Variants in UBTF observed in about 807,000 individuals in gnomAD.
The protein encoded by UBTF is upstream binding transcription factor.
Under a neutral mutation model 112.3 loss-of-function variants are expected in UBTF, and 8 were observed. The ratio of observed to expected loss-of-function variants is 0.07; its 90% CI spans 0.04 to 0.13. UBTF has a LOEUF of 0.13. UBTF is among the 10% of genes least tolerant of loss of function. The pLI, the probability that UBTF is intolerant of heterozygous loss-of-function variation, is 1.00. For missense variants in UBTF, 457 were observed against 982.1 expected, an observed-to-expected ratio of 0.47 and a Z score of 7.15; for synonymous variants, 417 against 373.1, an observed-to-expected ratio of 1.12 and a Z score of -1.36.
rs773413227 is a variant in UBTF, at chr17:44,215,732, T to C, written c.396A>G (p.Lys132=). 9 of 1,613,876 alleles carry C rather than the reference T, an allele frequency of 5.6e-6. No individual in the cohort carries two copies. The highest frequency in any genetic ancestry group is 7.6e-6 in the Non-Finnish European group (9 of 1,179,994). The change falls in exon 5 of 21, where the codon AAA becomes AAG. Residue 132 remains lysine (K), a synonymous_variant. Coordinates refer to ENST00000436088, the MANE Select transcript of UBTF (RefSeq NM_014233.4). ...CCAGGTTGCTCATCTCAGGGTGGAG[T>C]TTCGCATACTTGGCCCGCTTCTCCA... ...FFMEKRAKYA[K]LHPEMSNLDL... is the part of the protein sequence containing the mutation.
rs199677529 is a variant in UBTF, at chr17:44,213,176, C to G, written c.539+42G>C. The G allele has an allele frequency of 4.4e-5, 71 of 1,603,082 alleles. No homozygotes were observed. The East Asian group carries it at 1.3e-3, about 29-fold the overall frequency. On this transcript the variant is annotated intron_variant, in intron 6 of 20. Transcript: ENST00000436088. ...GGCCAGGGTTAGCCTATTCTGCTGCCCCCAGTGCCCCGTGGCCCTCCTCTG... is the reference window on the plus strand; with the variant it reads ...GGCCAGGGTTAGCCTATTCTGCTGCGCCCAGTGCCCCGTGGCCCTCCTCTG...
Position 44,205,787 on chromosome 17 carries a change from T to C in UBTF, c.*1455A>G, listed in dbSNP as rs1051338236. 1 of 152,188 alleles carries C rather than the reference T, an allele frequency of 6.6e-6. No homozygotes were observed. The highest frequency in any genetic ancestry group is 1.5e-5 in the Non-Finnish European group (1 of 68,032). The allele number at this position is 152,188 out of a possible 1,614,324, so 9.4% of individuals were successfully genotyped here. On this transcript the variant is annotated 3_prime_UTR_variant, in exon 21 of 21. Coordinates refer to ENST00000436088, the MANE Select transcript of UBTF (RefSeq NM_014233.4). Reference sequence around the variant, plus strand: ...TGACCATAAAAAAGAACCCCCCAAATTTAGTCAACAAAAAAATAAGAACTA... The same window carrying C: ...TGACCATAAAAAAGAACCCCCCAAACTTAGTCAACAAAAAAATAAGAACTA...
At chr17:44,220,086 G>A (rs1335225970), upstream of UBTF, among the ~76,000 whole-genome samples, 105 of 43,370 alleles carry the variant, frequency 2.4e-3, 1 homozygote, top group African/African-American at 0.074. Flanking sequence ...CGCCGGGGAA[G>A]GGGGGGGGGG....
Position 44,212,443 on chromosome 17 carries a change from C to T in UBTF, c.672G>A (p.Lys224=). 6.5e-7 allele frequency: 1 copy of T among 1,543,584 alleles called. No homozygotes were observed. Among genetic ancestry groups the T allele is most frequent in the Non-Finnish European group, 8.8e-7 (1 of 1,136,060 alleles). The part of the protein sequence containing the change: ...YLKVRPDATT[K]EVKDSLGKQW... ...GCTTCCCCAGGGAGTCCTTCACCTC[C>T]TTCGTAGTGGCCTGCAAACCAAAAG... is the stretch of plus-strand genomic sequence containing the variant. Residue 224 remains lysine (K), a synonymous_variant, in exon 8 of 21, where the codon AAG becomes AAA. Coordinates refer to ENST00000436088, the MANE Select transcript of UBTF (RefSeq NM_014233.4).
chr17:44,207,842 G>GCTGCT (rs1278571067), intron 18 of UBTF, 22 bp downstream of exon 18: 1 of 1,613,842 alleles, frequency 6.2e-7, no homozygotes, highest in African/African-American at 1.3e-5. Flanking sequence ...CTACCCCACT[G>GCTGCT]CTGCTCTGCT....
intron 2 of UBTF, among the ~76,000 whole-genome samples, chr17:44,217,917 C>T (rs1165084391): frequency 6.6e-6 from 1 of 152,172 alleles, no homozygotes; most frequent in African/African-American, 2.4e-5. Context: ...TGAATGGGAA[C>T]CCCAGAAGGC....
At position 44,219,578 on chromosome 17, in the gene UBTF, A is replaced by AGGCGGCGGCGCTGG. The variant is rs1327458574; in HGVS notation, c.-215_-202dup. On this transcript the variant is annotated 5_prime_UTR_variant, in exon 1 of 21. Transcript: ENST00000436088. Reference sequence around the variant, plus strand: ...GCGGCAGCGGCTCCTCCTCCGGGCGAGGCGGCGGCGCTGGGGCGGCGGCTG... The same window carrying AGGCGGCGGCGCTGG: ...GCGGCAGCGGCTCCTCCTCCGGGCGAGGCGGCGGCGCTGGGGCGGCGGCGCTGGGGCGGCGGCTG... 2 of 160,612 alleles carry AGGCGGCGGCGCTGG rather than the reference A, an allele frequency of 1.2e-5. No individual in the cohort carries two copies. Among genetic ancestry groups the AGGCGGCGGCGCTGG allele is most frequent in the Non-Finnish European group, 2.6e-5 (2 of 77,034 alleles). The allele number at this position is 160,612 out of a possible 1,614,324, so 9.9% of individuals were successfully genotyped here.
Position 44,207,373 on chromosome 17 carries a change from G to A in UBTF, c.2170-6C>T, listed in dbSNP as rs370335755. The stretch of plus-strand genomic sequence containing the variant: ...TCCTCGTCATCCTCTTCATTCTGGG[G>A]GGTGAGAAAGGATGTGGAGTCACCA... On this transcript the variant is annotated splice_region_variant and splice_polypyrimidine_tract_variant and intron_variant, in intron 20 of 20. Transcript: ENST00000436088. The A allele has an allele frequency of 6.2e-6, 10 of 1,612,234 alleles. No individual in the cohort carries two copies. The highest frequency in any genetic ancestry group is 8.5e-6 in the Non-Finnish European group (10 of 1,179,234).
upstream of UBTF, chr17:44,219,754 C>CGCA (rs1332298858): frequency 6.5e-6 from 1 of 153,660 alleles, no homozygotes; most frequent in Non-Finnish European, 1.4e-5. Flanking sequence ...CCGCCGCCGC[C>CGCA]GCAGCCTCAG....
chr17:44,220,570 C>T (rs2047138736), upstream of UBTF, among the ~76,000 whole-genome samples: 1 of 152,172 alleles, frequency 6.6e-6, no homozygotes, highest in African/African-American at 2.4e-5. Flanking sequence ...CTCTTTACAC[C>T]CCGGAAACGG....
chr17:44,216,017 G>A (rs1348852520), intron 3 of UBTF, 28 bp from the exon 4 acceptor site: 4 of 1,591,448 alleles, frequency 2.5e-6, no homozygotes, highest in East Asian at 2.2e-5. Context: ...GGAGGAAGGG[G>A]AAGTTGGGAA....
chr17:44,209,210 G>T, intron 17 of UBTF, 142 bp downstream of exon 17: 4 of 824,088 alleles, frequency 4.9e-6, no homozygotes, highest in Middle Eastern at 3.8e-4. Context: ...GATAGTGACC[G>T]TTATCCTGAA....
chr17:44,210,076 G>C, intron 15 of UBTF, 48 bp downstream of exon 15: 1 of 1,597,404 alleles, frequency 6.3e-7, no homozygotes, highest in East Asian at 2.2e-5. Flanking sequence ...AACCAAAGGG[G>C]AGTTCCCGAG....
At position 44,210,166 on chromosome 17, in the gene UBTF, C is replaced by T; in HGVS notation, c.1584G>A (p.Leu528=). 1 of 1,614,248 alleles carries T rather than the reference C, an allele frequency of 6.2e-7. No individual in the cohort carries two copies. Among genetic ancestry groups the T allele is most frequent in the Non-Finnish European group, 8.5e-7 (1 of 1,180,048 alleles). The part of the protein sequence containing the change: ...TWNNMEKKEK[L]MWIKKAAEDQ... ...CTTCGGCTGCCTTCTTAATCCACAT[C>T]AGTTTCTCCTTCTTTTCCATGTTAT... is the stretch of plus-strand genomic sequence containing the variant. The change falls in exon 15 of 21, where the codon CTG becomes CTA. Residue 528 remains leucine, a synonymous_variant. Transcript: ENST00000436088.
chr17:44,212,272 G>A, intron 8 of UBTF, 72 bp downstream of exon 8: 1 of 1,331,158 alleles, frequency 7.5e-7, no homozygotes, highest in Non-Finnish European at 1.1e-6. Flanking sequence ...CCCGCAGAGT[G>A]CGGTGGCCAC....
intron 2 of UBTF, among the ~76,000 whole-genome samples, chr17:44,217,287 A>G (rs1289047757): frequency 6.6e-6 from 1 of 152,130 alleles, no homozygotes; most frequent in East Asian, 1.9e-4. Flanking sequence ...TCTGGCAAAT[A>G]AGAAAAAGGA....
chr17:44,215,882 A>G (rs1007063488), intron 4 of UBTF, 24 bp downstream of exon 4: 19 of 1,613,790 alleles, frequency 1.2e-5, no homozygotes, highest in Non-Finnish European at 1.6e-5. Flanking sequence ...CATACCCCTC[A>G]TGCTCCTCCT....
chr17:44,218,141 G>A, intron 2 of UBTF, 31 bp downstream of exon 2: 13 of 1,609,408 alleles, frequency 8.1e-6, no homozygotes, highest in Middle Eastern at 1.7e-4. Context: ...GAGGGTTTAA[G>A]TTTCAGAGGG....
chr17:44,207,544 TTCTTCA>T lies in UBTF; in HGVS notation c.2073_2078del (p.Asp691_Glu692del), dbSNP rs752448494. 18 of 1,613,826 alleles carry T rather than the reference TTCTTCA, an allele frequency of 1.1e-5. No homozygotes were observed. Among genetic ancestry groups the T allele is most frequent in the Non-Finnish European group, 8.5e-7 (1 of 1,179,960 alleles). Reference sequence around the variant, plus strand: ...AGTCCCCATTCTCATCATCTTCCTCTTCTTCATCCTCGTCCTCGTCATCCTCATCCT... The same window carrying T: ...AGTCCCCATTCTCATCATCTTCCTCTTCCTCGTCCTCGTCATCCTCATCCT... On this transcript the variant is annotated inframe_deletion, in exon 20 of 21. Coordinates refer to ENST00000436088, the MANE Select transcript of UBTF (RefSeq NM_014233.4).
Sources: allele counts gnomAD v4.1 joint callset (sites outside exome capture counted in the v4.1 genomes callset), GRCh38; gene constraint gnomAD v4.1.1; transcripts MANE v1.5; gene names NCBI Gene and HGNC (gene_info 2026-07-23, HGNC 2026-07-21).